The following ZNF521 variants were observed in gnomAD, a reference collection of about 807,000 sequenced individuals.
ZNF521 encodes zinc finger protein 521, also known as LYST-interacting protein 3.
In ZNF521, 14 loss-of-function variants were observed where a neutral mutation model predicts 105.5. That is an observed-to-expected ratio of 0.13 (90% CI 0.09 to 0.21). The LOEUF is 0.21. ZNF521 is among the 10% of genes least tolerant of loss of function. The pLI is 1.00. For missense variants in ZNF521, 1,233 were observed against 1,629.7 expected (o/e 0.76, Z 4.19); for synonymous variants, 635 against 606.0 (o/e 1.05, Z -0.70).
chr18:25,340,515 C>G (rs1020845821), intron 2 of ZNF521, among the ~76,000 whole-genome samples: 4 of 152,262 alleles, frequency 2.6e-5, no homozygotes, highest in African/African-American at 9.6e-5. Flanking sequence ...TTTTGCCAGT[C>G]TTTGATTTTG....
At chr18:25,157,048 A>G (rs183242413) in intron 5 of ZNF521, among the ~76,000 whole-genome samples, 4 of 152,110 alleles carry the variant, frequency 2.6e-5, no homozygotes, top group Admixed American at 2.6e-4. Flanking sequence ...AAAACAGAAA[A>G]ACTAGCTGGG....
chr18:25,107,520 C>T (rs2034097410), intron 5 of ZNF521, among the ~76,000 whole-genome samples: 1 of 152,052 alleles, frequency 6.6e-6, no homozygotes, highest in Non-Finnish European at 1.5e-5. Context: ...CATATTCATC[C>T]TTGTAAATAT....
chr18:25,191,702 C>T (rs928016060), intron 5 of ZNF521, among the ~76,000 whole-genome samples: 3 of 152,174 alleles, frequency 2.0e-5, no homozygotes, highest in African/African-American at 7.2e-5. Context: ...TATCTGATGC[C>T]TAACAGCCCT....
At chr18:25,161,718 G>A (rs926932454) in intron 5 of ZNF521, among the ~76,000 whole-genome samples, 1 of 152,194 alleles carries the variant, frequency 6.6e-6, no homozygotes, top group African/African-American at 2.4e-5. Flanking sequence ...AAAACGGCTT[G>A]CTGGTCATTT....
In ZNF521 at chr18:25,224,362, G is replaced by T; in HGVS notation, c.3556C>A (p.Pro1186Thr). The T allele has an allele frequency of 6.2e-7, 1 of 1,612,410 alleles. No homozygotes were observed. The highest frequency in any genetic ancestry group is 1.1e-5 in the South Asian group (1 of 91,016). ...CGAGTTACCTCATCCGACTGGGAGGGACTGATTCTGGGCATTGGTGATACT... is the reference window on the plus strand; with the variant it reads ...CGAGTTACCTCATCCGACTGGGAGGTACTGATTCTGGGCATTGGTGATACT... ...PQVSPMPRIS[P>T]SQSDEKKTYQ... is the part of the protein sequence containing the mutation. The change falls in exon 4 of 8, where the codon CCC becomes ACC. Residue 1186 changes from proline to threonine, a missense_variant. Physicochemically the swap from Pro to Thr is conservative, Grantham distance 38. Around this residue, in one of 6 missense-constraint regions of ZNF521, gnomAD observed 614 missense variants for 751.5 expected, o/e 0.82. Coordinates refer to ENST00000361524, the MANE Select transcript of ZNF521 (RefSeq NM_015461.3).
chr18:25,191,365 A>G (rs1018065261), intron 5 of ZNF521, among the ~76,000 whole-genome samples: 2 of 152,132 alleles, frequency 1.3e-5, no homozygotes, highest in African/African-American at 4.8e-5. Flanking sequence ...ATAGTAATCA[A>G]TTCCAAGGAT....
intron 4 of ZNF521, among the ~76,000 whole-genome samples, chr18:25,215,509 G>C (rs1347910893): frequency 6.6e-6 from 1 of 152,164 alleles, no homozygotes; most frequent in Non-Finnish European, 1.5e-5. Flanking sequence ...AGTCAAAAAT[G>C]TGAAATGTTT....
chr18:25,076,016 C>T (rs1209515040), intron 7 of ZNF521, among the ~76,000 whole-genome samples: 3 of 152,136 alleles, frequency 2.0e-5, no homozygotes, highest in Non-Finnish European at 2.9e-5. Flanking sequence ...TGTATAAAAC[C>T]TCCAAGCCTC....
intron 2 of ZNF521, among the ~76,000 whole-genome samples, chr18:25,343,547 C>A (rs1033535215): frequency 2.0e-5 from 3 of 152,134 alleles, no homozygotes; most frequent in African/African-American, 2.4e-5. Context: ...ATAAATCCAA[C>A]AAACTGCACT....
At chr18:25,070,347 C>T (rs1171860841) in intron 7 of ZNF521, among the ~76,000 whole-genome samples, 3 of 152,166 alleles carry the variant, frequency 2.0e-5, no homozygotes, top group Non-Finnish European at 2.9e-5. Context: ...AAAGGGTGAT[C>T]TGAGATAATC....
intron 3 of ZNF521, among the ~76,000 whole-genome samples, chr18:25,239,785 G>C (rs562207997): frequency 2.0e-4 from 31 of 152,262 alleles, no homozygotes; most frequent in South Asian, 6.2e-4. Flanking sequence ...GAAATAGGAG[G>C]GGGGAGGAGA....
chr18:25,167,435 A>G (rs1470036716), intron 5 of ZNF521, among the ~76,000 whole-genome samples: 1 of 152,240 alleles, frequency 6.6e-6, no homozygotes, highest in Non-Finnish European at 1.5e-5. Context: ...GGAATAAGAT[A>G]AATCCAGTAA....
Position 25,302,834 on chromosome 18 carries a change from T to C in ZNF521, c.220+19174A>G, listed in dbSNP as rs571093341. The C allele has an allele frequency of 5.9e-5, 9 of 152,330 alleles. No homozygotes were observed. In the South Asian group the frequency reaches 1.4e-3, roughly 25 times the overall value. The allele number at this position is 152,330 out of a possible 1,614,324, so 9.4% of individuals were successfully genotyped here. A position where few individuals can be genotyped will look rare whatever the true frequency, so the allele number is the denominator to read the frequency against. ...AACCAGAGAAAAAGGTCTGCCCATA[T>C]TGGGAATTTAAAAGCTCTTATGTTT... On this transcript the variant is annotated intron_variant, in intron 3 of 7. Transcript: ENST00000361524.
chr18:25,233,669 T>G (rs1354893287), intron 3 of ZNF521, among the ~76,000 whole-genome samples: 1 of 151,458 alleles, frequency 6.6e-6, no homozygotes, highest in Non-Finnish European at 1.5e-5. Flanking sequence ...GAGGTTTTTT[T>G]TTTTTTTTTT....
chr18:25,316,435 G>C (rs1329241475), intron 3 of ZNF521, among the ~76,000 whole-genome samples: 1 of 112,530 alleles, frequency 8.9e-6, no homozygotes, highest in Non-Finnish European at 1.7e-5. Context: ...AGCCAGGGGT[G>C]GGGGGTGGGG....
intron 3 of ZNF521, among the ~76,000 whole-genome samples, chr18:25,272,023 GT>G (rs1909693738): frequency 6.6e-6 from 1 of 152,074 alleles, no homozygotes; most frequent in Non-Finnish European, 1.5e-5. Context: ...ATCTGACAAA[GT>G]GCTAATATCC....
rs78468248 is a variant in ZNF521 at position 25,069,599 on chromosome 18, A to G, written c.3907-6858T>C. On this transcript the variant is annotated intron_variant, in intron 7 of 7. Coordinates refer to ENST00000361524, the MANE Select transcript of ZNF521 (RefSeq NM_015461.3). ...GGAAATCTGGGGTAATTGTGTTTTT[A>G]TGGACCTTACCAGGTAAACATCAGG... Among the ~76,000 whole-genome samples, 1,421 of 152,294 alleles carry G rather than the reference A, an allele frequency of 9.3e-3. 8 individuals are homozygous for G. Among genetic ancestry groups the G allele is most frequent in the Middle Eastern group, 0.024 (7 of 294 alleles).
At chr18:25,222,206 A>C (rs1905769027) in intron 4 of ZNF521, among the ~76,000 whole-genome samples, 1 of 152,168 alleles carries the variant, frequency 6.6e-6, no homozygotes, top group South Asian at 2.1e-4. Flanking sequence ...TGTAAAACTT[A>C]AACAAGTATT....
chr18:25,074,243 T>C (rs112499558), intron 7 of ZNF521, among the ~76,000 whole-genome samples: 2 of 152,246 alleles, frequency 1.3e-5, no homozygotes, highest in African/African-American at 4.8e-5. Flanking sequence ...GACTTATTCC[T>C]GCATGGAGAA....
Sources: gnomAD v4.1 joint callset for allele counts (sites outside exome capture counted in the v4.1 genomes callset) on GRCh38, gnomAD v4.1.1 for gene constraint, gnomAD v4.1.1 regional missense constraint, MANE v1.5 for transcripts, NCBI Gene and HGNC (gene_info 2026-07-23, HGNC 2026-07-21) for gene names.